NUDT7: variants seen among roughly 807,000 people sequenced by gnomAD.
NUDT7 encodes the protein peroxisomal coenzyme A diphosphatase NUDT7.
Under a neutral mutation model 13.1 loss-of-function variants are expected in NUDT7, and 19 were observed. The observed-to-expected ratio is 1.45, with a 90% CI of 1.01 to 2.13. The LOEUF is 2.13. Ranked by LOEUF, NUDT7 falls within the 30% of genes most tolerant of loss-of-function variation. NUDT7 has a pLI of 0.00. For missense variants in NUDT7, 360 were observed against 291.7 expected (o/e 1.23, Z -1.71); for synonymous variants, 132 against 109.7 (o/e 1.20, Z -1.27).
In NUDT7 at chr16:77,741,729, CT is replaced by C. The variant is rs769301481; in HGVS notation, c.498del (p.Gly167ValfsTer25). Reference protein sequence around the residue: ...QVHDQHYVTRLGHRFINHIFE... With the variant: ...QVHDQHYVTRXGHRFINHIFE... ...CCATGACCAGCATTACGTCACACGT[CT>C]TGGTCACCGTTTTATTAATCATATC... On this transcript the variant is annotated frameshift_variant, in exon 4 of 4. Transcript: ENST00000268533. LOFTEE classifies it low-confidence loss of function (END_TRUNC). 4 of 1,614,108 alleles carry C rather than the reference CT, an allele frequency of 2.5e-6. No individual in the cohort carries two copies. Among genetic ancestry groups the C allele is most frequent in the Admixed American group, 3.3e-5 (2 of 60,014 alleles).
chr16:77,735,332 C>T (rs1350300496), intron 2 of NUDT7: 6 of 445,606 alleles, frequency 1.3e-5, no homozygotes, highest in African/African-American at 3.9e-5. Context: ...TGAGTTCTCA[C>T]GAGATAAGGT....
intron 2 of NUDT7, among the ~76,000 whole-genome samples, chr16:77,727,876 A>AAT (rs1209572333): frequency 2.3e-3 from 302 of 129,026 alleles, no homozygotes; most frequent in African/African-American, 9.5e-3. Context: ...TAAATAAATA[A>AAT]AAATAAATAA....
At chr16:77,736,858 C>T (rs13332157) in intron 3 of NUDT7, 2,173 of 154,910 alleles carry the variant, frequency 0.014, 49 homozygotes, top group African/African-American at 0.049. Flanking sequence ...GAAGTATGAT[C>T]TTGGATAACA....
intron 2 of NUDT7, among the ~76,000 whole-genome samples, chr16:77,727,904 G>T (rs1485426741): frequency 6.6e-6 from 1 of 151,904 alleles, no homozygotes; most frequent in Non-Finnish European, 1.5e-5. Context: ...AAAGAGAATT[G>T]TCTAACAAAC....
intron 3 of NUDT7, among the ~76,000 whole-genome samples, chr16:77,740,884 A>G (rs1418027300): frequency 2.0e-5 from 3 of 152,226 alleles, no homozygotes; most frequent in Non-Finnish European, 4.4e-5. Flanking sequence ...GGTTGTAAAT[A>G]GAAATCCCTC....
Position 77,725,757 on chromosome 16 carries a change from G to C in NUDT7, c.189+173G>C, listed in dbSNP as rs2014116145. ...GATAACATGGTGTTTCTTGGAGAAG[G>C]TTTAACAAGAAAATGAAGGAATTTA... On this transcript the variant is annotated intron_variant, in intron 2 of 3. Coordinates refer to ENST00000268533, the MANE Select transcript of NUDT7 (RefSeq NM_001105663.3). 9.9e-6 allele frequency: 6 copies of C among 607,848 alleles called. No homozygotes were observed. In the Admixed American group the frequency reaches 1.3e-4, roughly 13 times the overall value. 37.7% of individuals were successfully genotyped at this position (607,848 alleles called of 1,614,324 possible). A position where few individuals can be genotyped will look rare whatever the true frequency, so the allele number is the denominator to read the frequency against.
At chr16:77,740,594 A>G (rs1375380146) in intron 3 of NUDT7, among the ~76,000 whole-genome samples, 1 of 152,082 alleles carries the variant, frequency 6.6e-6, no homozygotes, top group East Asian at 1.9e-4. Flanking sequence ...CCCAGGCTGG[A>G]GTGCAGTGGC....
intron 2 of NUDT7, among the ~76,000 whole-genome samples, chr16:77,729,717 C>T (rs760297647): frequency 5.3e-5 from 8 of 152,028 alleles, no homozygotes; most frequent in South Asian, 2.1e-4. Flanking sequence ...TCCAGCTACT[C>T]GCGAGGCTGA....
chr16:77,722,885 C>G (rs966470833), intron 1 of NUDT7, among the ~76,000 whole-genome samples: 4 of 152,156 alleles, frequency 2.6e-5, no homozygotes, highest in Non-Finnish European at 5.9e-5. Flanking sequence ...TTCTGCAATC[C>G]GCGTCTCCAG....
At chr16:77,737,486 T>G (rs1286574979) in intron 3 of NUDT7, 1 of 144,008 alleles carries the variant, frequency 6.9e-6, no homozygotes, top group East Asian at 2.2e-4. Context: ...TTTTTTTTTG[T>G]TGTTGTTGTT....
At chr16:77,733,150 G>A (rs755050969) in intron 2 of NUDT7, among the ~76,000 whole-genome samples, 8 of 152,272 alleles carry the variant, frequency 5.3e-5, no homozygotes, top group South Asian at 4.1e-4. Flanking sequence ...GCCCAAATGA[G>A]GCTGAAGCCT....
chr16:77,735,829 T>C lies in NUDT7; in HGVS notation c.191T>C (p.Leu64Pro). ...HLLFTVRSEK[L>P]RRAPGEVCFP... is the part of the protein sequence containing the mutation. Reference sequence around the variant, plus strand: ...TAGCGCTGTTCTTTCTATATCCAGCTAAGAAGGGCCCCTGGAGAAGTTTGC... The same window carrying C: ...TAGCGCTGTTCTTTCTATATCCAGCCAAGAAGGGCCCCTGGAGAAGTTTGC... Residue 64 changes from leucine to proline, a missense_variant and splice_region_variant, in exon 3 of 4, where the codon CTA (leucine) becomes CCA (proline). Coordinates refer to ENST00000268533, the MANE Select transcript of NUDT7 (RefSeq NM_001105663.3). 1 of 1,613,084 alleles carries C rather than the reference T, an allele frequency of 6.2e-7. No homozygotes were observed. Among genetic ancestry groups the C allele is most frequent in the African/African-American group, 1.3e-5 (1 of 75,014 alleles).
chr16:77,725,619 C>G (rs2014110438), intron 2 of NUDT7, 35 bp downstream of exon 2: 2 of 1,601,404 alleles, frequency 1.2e-6, no homozygotes, highest in East Asian at 4.5e-5. Flanking sequence ...CCTTAAACCT[C>G]AGGACATCAG....
At chr16:77,731,849 GA>G (rs201815141) in intron 2 of NUDT7, among the ~76,000 whole-genome samples, 6 of 148,722 alleles carry the variant, frequency 4.0e-5, no homozygotes, top group Admixed American at 2.7e-4. Context: ...AGTTTAAAAA[GA>G]AAAAAAAATC....
At chr16:77,738,492 T>C (rs1433854095) in intron 3 of NUDT7, among the ~76,000 whole-genome samples, 1 of 152,214 alleles carries the variant, frequency 6.6e-6, no homozygotes, top group Non-Finnish European at 1.5e-5. Flanking sequence ...AAATGCCATT[T>C]ATTGAAAATT....
intron 2 of NUDT7, among the ~76,000 whole-genome samples, chr16:77,734,256 G>A (rs2014407320): frequency 1.3e-5 from 2 of 152,190 alleles, no homozygotes; most frequent in African/African-American, 4.8e-5. Flanking sequence ...AGCTCACTGA[G>A]TGAACTTGGT....
chr16:77,740,213 A>C (rs1214682893), intron 3 of NUDT7, among the ~76,000 whole-genome samples: 1 of 152,174 alleles, frequency 6.6e-6, no homozygotes, highest in African/African-American at 2.4e-5. Flanking sequence ...CTCCTGGTCC[A>C]AATGTTGACT....
rs779978445 is a variant in NUDT7, at chr16:77,722,636, C to G, written c.35+19C>G. 1.5e-5 allele frequency: 23 copies of G among 1,585,210 alleles called. 1 individual carries two copies. In the Admixed American group the frequency reaches 2.6e-4, roughly 18 times the overall value. On this transcript the variant is annotated intron_variant, in intron 1 of 3. Transcript: ENST00000268533. ...CAGTCAGGTAAAGGCTTTCCGGGCC[C>G]TGGCACCCCGAGCTTGGTCAGGCCC...
At chr16:77,732,824 T>G (rs576498891) in intron 2 of NUDT7, among the ~76,000 whole-genome samples, 1 of 149,968 alleles carries the variant, frequency 6.7e-6, no homozygotes, top group Non-Finnish European at 1.5e-5. Flanking sequence ...TCATATCAGG[T>G]CTGTTTCTGT....
Sources: allele counts gnomAD v4.1 joint callset (sites outside exome capture counted in the v4.1 genomes callset), GRCh38; gene constraint gnomAD v4.1.1; transcripts MANE v1.5; gene names NCBI Gene and HGNC (gene_info 2026-07-23, HGNC 2026-07-21).